GALNT17: variants seen among roughly 807,000 people sequenced by gnomAD.
GALNT17 encodes the protein polypeptide N-acetylgalactosaminyltransferase 17.
Under a neutral mutation model 63.7 loss-of-function variants are expected in GALNT17, and 29 were observed. The ratio of observed to expected loss-of-function variants is 0.46; its 90% CI spans 0.34 to 0.62. GALNT17 has a LOEUF of 0.62. GALNT17 is among the 20% of genes least tolerant of loss of function. GALNT17 has a pLI of 0.01. For synonymous variants in GALNT17, 305 were observed against 318.3 expected, an observed-to-expected ratio of 0.96 and a Z score of 0.45; for missense variants, 603 against 799.6, an observed-to-expected ratio of 0.75 and a Z score of 2.97.
chr7:71,451,411 T>C (rs1787260978), intron 5 of GALNT17, among the ~76,000 whole-genome samples: 1 of 152,210 alleles, frequency 6.6e-6, no homozygotes, highest in Admixed American at 6.5e-5. Flanking sequence ...ATTTAAAAGC[T>C]TCTATATGTT....
chr7:71,678,253 T>C (rs73354140), intron 9 of GALNT17, among the ~76,000 whole-genome samples: 22,118 of 151,686 alleles, frequency 0.15, 3,064 homozygotes, highest in African/African-American at 0.37. Context: ...GCCTCCTGAG[T>C]AGCTGAGATT....
At chr7:71,275,872 C>G (rs1324277264) in intron 1 of GALNT17, among the ~76,000 whole-genome samples, 4 of 152,168 alleles carry the variant, frequency 2.6e-5, no homozygotes, top group Non-Finnish European at 5.9e-5. Flanking sequence ...TCTTGGAGTC[C>G]TGGGAGATCG....
Position 71,335,656 on chromosome 7 carries a change from T to A in GALNT17, c.345T>A (p.His115Gln). Reference protein sequence around the residue: ...PAEEEKAKGPHEKYGYNSYLS... With the variant: ...PAEEEKAKGPQEKYGYNSYLS... ...AAGAAGAAAAGGCTAAGGGACCCCA[T>A]GAGAAGTATGGCTACAATTCATACC... Residue 115 changes from histidine to glutamine, a missense_variant, in exon 2 of 11, where the codon CAT becomes CAA. By Grantham distance (24) the His-to-Gln change is conservative. This residue lies in a region of GALNT17 where 195 missense variants were observed against 215.0 expected (regional missense o/e 0.91). Transcript: ENST00000333538. 1 of 1,613,776 alleles carries A rather than the reference T, an allele frequency of 6.2e-7. No homozygotes were observed. Among genetic ancestry groups the A allele is most frequent in the South Asian group, 1.1e-5 (1 of 91,010 alleles).
chr7:71,609,137 C>T (rs1430952793), intron 6 of GALNT17, among the ~76,000 whole-genome samples: 1 of 152,182 alleles, frequency 6.6e-6, no homozygotes, highest in African/African-American at 2.4e-5. Context: ...TCTAAGTCTT[C>T]TCACTCAGGA....
chr7:71,547,572 G>A (rs975711474), intron 5 of GALNT17, among the ~76,000 whole-genome samples: 2 of 152,022 alleles, frequency 1.3e-5, no homozygotes, highest in African/African-American at 4.8e-5. Flanking sequence ...CAGGTGTGAG[G>A]CACCGCACCC....
chr7:71,375,995 G>A (rs535634086), intron 2 of GALNT17, among the ~76,000 whole-genome samples: 94 of 152,098 alleles, frequency 6.2e-4, no homozygotes, highest in African/African-American at 2.1e-3. Flanking sequence ...AGGATAATCA[G>A]TTGAACCTGG....
At chr7:71,289,790 T>A (rs1274920518) in intron 1 of GALNT17, among the ~76,000 whole-genome samples, 1 of 146,582 alleles carries the variant, frequency 6.8e-6, no homozygotes, top group African/African-American at 2.5e-5. Flanking sequence ...GAGGCAGGAG[T>A]ATTGCTTGAA....
intron 6 of GALNT17, among the ~76,000 whole-genome samples, chr7:71,659,434 G>T (rs1382615132): frequency 6.6e-6 from 1 of 152,182 alleles, no homozygotes; most frequent in Non-Finnish European, 1.5e-5. Flanking sequence ...TGTCTTGGGG[G>T]TGTACAGTCT....
chr7:71,480,560 G>A (rs1563124154), intron 5 of GALNT17, among the ~76,000 whole-genome samples: 1 of 152,156 alleles, frequency 6.6e-6, no homozygotes. Context: ...AGGCTGGAGT[G>A]CAATGGCACG....
chr7:71,230,921 A>C (rs894090179), intron 1 of GALNT17, among the ~76,000 whole-genome samples: 7 of 152,164 alleles, frequency 4.6e-5, no homozygotes, highest in African/African-American at 1.4e-4. Context: ...GCCCCACCGC[A>C]GACTCATTGA....
At chr7:71,177,478 A>T (rs895853624) in intron 1 of GALNT17, among the ~76,000 whole-genome samples, 5 of 152,170 alleles carry the variant, frequency 3.3e-5, no homozygotes, top group African/African-American at 1.2e-4. Context: ...TTGTACTCAA[A>T]CAACAATTCA....
intron 5 of GALNT17, among the ~76,000 whole-genome samples, chr7:71,568,646 A>G (rs1314881004): frequency 6.6e-6 from 1 of 152,160 alleles, no homozygotes; most frequent in African/African-American, 2.4e-5. Flanking sequence ...CGGGATCTAG[A>G]GTACATCCAG....
chr7:71,542,029 T>G (rs1226893950), intron 5 of GALNT17, among the ~76,000 whole-genome samples: 1 of 152,144 alleles, frequency 6.6e-6, no homozygotes, highest in Non-Finnish European at 1.5e-5. Context: ...AACCTTGTGT[T>G]AAATGCAGGC....
chr7:71,458,905 G>A (rs1787403374), intron 5 of GALNT17, among the ~76,000 whole-genome samples: 2 of 152,198 alleles, frequency 1.3e-5, no homozygotes, highest in South Asian at 2.1e-4. Context: ...GGCGTGGCGG[G>A]CCAAAAGGCA....
intron 6 of GALNT17, among the ~76,000 whole-genome samples, chr7:71,601,067 C>G (rs529057809): frequency 2.1e-4 from 32 of 152,112 alleles, no homozygotes; most frequent in African/African-American, 7.2e-4. Flanking sequence ...CAATCTCATC[C>G]AGCTCACTGC....
intron 2 of GALNT17, among the ~76,000 whole-genome samples, chr7:71,369,230 G>A (rs967170298): frequency 9.2e-5 from 14 of 152,166 alleles, no homozygotes; most frequent in African/African-American, 2.9e-4. Flanking sequence ...TCTGGGATGA[G>A]CCTAACCTAT....
rs183453247 is a variant in GALNT17, at chr7:71,218,115, C to T, written c.238+85075C>T. Among the ~76,000 whole-genome samples the T allele has an allele frequency of 5.9e-3, 903 of 151,852 alleles. 5 individuals carry two copies. The highest frequency in any genetic ancestry group is 7.2e-3 in the Non-Finnish European group (489 of 67,926). The stretch of plus-strand genomic sequence containing the variant: ...TTTATGGCTTTTAAAAATGGTAGGC[C>T]GGGCGTGGTAGCTCACTCCTGTAAT... On this transcript the variant is annotated intron_variant, in intron 1 of 10. Transcript: ENST00000333538.
intron 1 of GALNT17, among the ~76,000 whole-genome samples, chr7:71,185,621 C>A (rs1032615917): frequency 2.0e-5 from 3 of 150,736 alleles, no homozygotes; most frequent in African/African-American, 4.9e-5. Context: ...CATTCTCCTG[C>A]CTCAGCCTCC....
intron 5 of GALNT17, among the ~76,000 whole-genome samples, chr7:71,533,119 C>G (rs541646510): frequency 1.3e-5 from 2 of 152,150 alleles, no homozygotes; most frequent in African/African-American, 4.8e-5. Context: ...TAAAAGTCCT[C>G]CTATGGAGGA....
Sources: gnomAD v4.1 joint callset for allele counts (sites outside exome capture counted in the v4.1 genomes callset) on GRCh38, gnomAD v4.1.1 for gene constraint, gnomAD v4.1.1 regional missense constraint, MANE v1.5 for transcripts, NCBI Gene and HGNC (gene_info 2026-07-23, HGNC 2026-07-21) for gene names.